PARP12: variants seen among roughly 807,000 people sequenced by gnomAD.
PARP12 encodes poly(ADP-ribose) polymerase family member 12.
PARP12 carries 59 observed loss-of-function variants against 72.4 expected under a neutral mutation model. The observed-to-expected ratio is 0.81, with a 90% CI of 0.66 to 1.01. The LOEUF (loss-of-function observed/expected upper bound fraction) is 1.01. Among genes scored for constraint, PARP12 ranks in the 50% least tolerant of loss-of-function variants. PARP12 has a pLI of 0.00. For missense variants in PARP12, 851 were observed against 914.0 expected (o/e 0.93, Z 0.89); for synonymous variants, 403 against 371.4 (o/e 1.09, Z -0.98).
At chr7:140,050,826 T>C (rs1268567790) in intron 4 of PARP12, among the ~76,000 whole-genome samples, 1 of 152,204 alleles carries the variant, frequency 6.6e-6, no homozygotes, top group East Asian at 1.9e-4. Flanking sequence ...AAAAATATTA[T>C]CTGGACACCA....
intron 3 of PARP12, among the ~76,000 whole-genome samples, chr7:140,055,622 G>A (rs773586894): frequency 7.2e-5 from 11 of 151,998 alleles, no homozygotes; most frequent in South Asian, 2.1e-4. Context: ...CCTCTCTCCC[G>A]ACGATGGTGA....
intron 8 of PARP12, chr7:140,033,447 A>G: frequency 3.0e-6 from 3 of 985,432 alleles, no homozygotes; most frequent in Middle Eastern, 5.2e-4. Context: ...TACCAGTAAC[A>G]CTGCCTAAAG....
At chr7:140,061,739 C>G (rs1817452492) in intron 1 of PARP12, among the ~76,000 whole-genome samples, 1 of 152,196 alleles carries the variant, frequency 6.6e-6, no homozygotes, top group Non-Finnish European at 1.5e-5. Flanking sequence ...AACATGGACG[C>G]TAAGTGCTGG....
At position 140,026,218 on chromosome 7, in the gene PARP12, G is replaced by C; in HGVS notation, c.1759C>G (p.His587Asp). ...QNFDWRVCGV[H>D]GTSYGKGSYF... ...TTACCCTTGCCGTAGGAAGTGCCAT[G>C]AACACCACAGACCCGCCAGTCAAAG... is the stretch of plus-strand genomic sequence containing the variant. The change falls in exon 11 of 12, where the codon CAT becomes GAT. Residue 587 changes from histidine to aspartate, a missense_variant. Transcript: ENST00000263549. 1 of 1,614,056 alleles carries C rather than the reference G, an allele frequency of 6.2e-7. No individual in the cohort carries two copies. The highest frequency in any genetic ancestry group is 8.5e-7 in the Non-Finnish European group (1 of 1,180,026).
chr7:140,027,370 T>C lies in PARP12; in HGVS notation c.1534A>G (p.Lys512Glu). ...GTGCGGTTAAAGAGGTTCCAGACCT[T>C]CTGATACTCTTCCGAGGAAGAACTA... ...TLSSSSEEYQ[K>E]VWNLFNRTLP... The change falls in exon 10 of 12, where the codon AAG becomes GAG. Residue 512 changes from lysine to glutamate, a missense_variant. By Grantham distance (56) the Lys-to-Glu change is moderately conservative. Transcript: ENST00000263549. The C allele has an allele frequency of 6.2e-7, 1 of 1,614,090 alleles. No homozygotes were observed. The highest frequency in any genetic ancestry group is 1.1e-5 in the South Asian group (1 of 91,074).
chr7:140,051,841 G>T (rs1344242860), intron 4 of PARP12, among the ~76,000 whole-genome samples: 1 of 152,210 alleles, frequency 6.6e-6, no homozygotes, highest in East Asian at 1.9e-4. Context: ...GGTGGAGAAG[G>T]ACCCTCTGGT....
At chr7:140,035,984 GAGGAGGAGGAGGAGGAGA>G (rs1585089141) in intron 7 of PARP12, among the ~76,000 whole-genome samples, 1 of 67,582 alleles carries the variant, frequency 1.5e-5, no homozygotes, top group East Asian at 3.8e-4. Context: ...GGAGGAGGAG[GAGGAGGAGGAGGAGGAGA>G]AGGAGGAGAA....
intron 6 of PARP12, among the ~76,000 whole-genome samples, chr7:140,039,034 G>T (rs759776450): frequency 1.8e-4 from 27 of 152,214 alleles, no homozygotes; most frequent in African/African-American, 6.3e-4. Context: ...GCCCAAGCCC[G>T]AGGGATGACA....
chr7:140,053,118 T>C (rs1051537137), intron 4 of PARP12, among the ~76,000 whole-genome samples: 1 of 152,164 alleles, frequency 6.6e-6, no homozygotes, highest in Non-Finnish European at 1.5e-5. Flanking sequence ...AATGGAAACA[T>C]ATATCCACAT....
At chr7:140,028,326 C>G (rs1452817142) in intron 9 of PARP12, among the ~76,000 whole-genome samples, 2 of 152,174 alleles carry the variant, frequency 1.3e-5, no homozygotes, top group African/African-American at 4.8e-5. Flanking sequence ...TTAAGCCCAG[C>G]CCATAAACTC....
At chr7:140,054,320 C>G (rs1162170272) in intron 4 of PARP12, among the ~76,000 whole-genome samples, 1 of 152,160 alleles carries the variant, frequency 6.6e-6, no homozygotes, top group Non-Finnish European at 1.5e-5. Flanking sequence ...CCTATCATCA[C>G]CCTTATCTTT....
chr7:140,060,412 G>A (rs192812764), intron 1 of PARP12, among the ~76,000 whole-genome samples: 22 of 152,248 alleles, frequency 1.4e-4, no homozygotes, highest in Admixed American at 1.2e-3. Flanking sequence ...AGAGTCACAG[G>A]GGAAGCAGAA....
At chr7:140,038,771 C>A (rs532329435) in intron 6 of PARP12, among the ~76,000 whole-genome samples, 2 of 152,304 alleles carry the variant, frequency 1.3e-5, no homozygotes, top group East Asian at 3.9e-4. Context: ...TCCTAGTTCT[C>A]CTGGGTCACA....
intron 11 of PARP12, chr7:140,025,115 T>C (rs945068766): frequency 1.1e-5 from 6 of 551,278 alleles, no homozygotes; most frequent in African/African-American, 1.9e-5. Flanking sequence ...CAAACTGAGA[T>C]AGCAAATTCC....
chr7:140,025,198 AG>A, intron 11 of PARP12: 1 of 363,550 alleles, frequency 2.8e-6, no homozygotes, highest in Admixed American at 4.0e-5. Context: ...CCCAAACCTC[AG>A]ATTCCTCAGG....
chr7:140,031,715 C>T (rs1815944462), intron 8 of PARP12, among the ~76,000 whole-genome samples: 1 of 152,078 alleles, frequency 6.6e-6, no homozygotes, highest in Non-Finnish European at 1.5e-5. Context: ...CTTCTTGTGG[C>T]CCCCTAAAAA....
At chr7:140,059,821 G>A (rs1348698383) in intron 1 of PARP12, among the ~76,000 whole-genome samples, 3 of 152,198 alleles carry the variant, frequency 2.0e-5, no homozygotes, top group Non-Finnish European at 4.4e-5. Flanking sequence ...ATCTGTCAGC[G>A]CAGAGCGGAA....
intron 9 of PARP12, among the ~76,000 whole-genome samples, chr7:140,028,055 C>T (rs373425976): frequency 3.9e-5 from 6 of 152,218 alleles, no homozygotes; most frequent in Non-Finnish European, 7.3e-5. Flanking sequence ...AGACAGTGCT[C>T]GGCAGCCGGC....
Position 140,028,651 on chromosome 7 carries a change from A to G in PARP12, c.1459T>C (p.Tyr487His). The G allele has an allele frequency of 1.2e-6, 2 of 1,605,184 alleles. No individual in the cohort carries two copies. The highest frequency in any genetic ancestry group is 2.2e-5 in the South Asian group (2 of 89,246). ...KFPGPKSIPD[Y>H]WDSSALPDPG... The stretch of plus-strand genomic sequence containing the variant: ...TCTGGCAGGGCAGAGGAGTCCCAAT[A>G]GTCTGGGATGCTCTTCGGGCCTGGA... Residue 487 changes from tyrosine to histidine, a missense_variant, in exon 9 of 12, where the codon TAT becomes CAT. Physicochemically the swap from Tyr to His is moderately conservative, Grantham distance 83 (BLOSUM62 2). Transcript: ENST00000263549.
Sources: allele counts gnomAD v4.1 joint callset (sites outside exome capture counted in the v4.1 genomes callset), GRCh38; gene constraint gnomAD v4.1.1; transcripts MANE v1.5; gene names NCBI Gene and HGNC (gene_info 2026-07-23, HGNC 2026-07-21).